Variants in CDK19 observed in about 807,000 individuals in gnomAD.
The protein encoded by CDK19 is cyclin-dependent kinase 19.
CDK19 carries 20 observed loss-of-function variants against 68.3 expected under a neutral mutation model. The ratio of observed to expected loss-of-function variants is 0.29; its 90% CI spans 0.21 to 0.43. The LOEUF is 0.43. Ranked by LOEUF, CDK19 falls within the 20% of genes least tolerant of loss-of-function variation. CDK19 has a pLI of 1.00. For synonymous variants in CDK19, 221 were observed against 222.8 expected (o/e 0.99, Z 0.07); for missense variants, 339 against 623.5 (o/e 0.54, Z 4.86).
chr6:110,712,369 C>T (rs374404564), intron 2 of CDK19, among the ~76,000 whole-genome samples: 2 of 152,184 alleles, frequency 1.3e-5, no homozygotes, highest in South Asian at 2.1e-4. Flanking sequence ...GGGAAAGAAA[C>T]ACCACCCTCA....
intron 2 of CDK19, among the ~76,000 whole-genome samples, chr6:110,731,096 G>GA (rs1554213874): frequency 1.6e-4 from 20 of 128,540 alleles, no homozygotes; most frequent in African/African-American, 4.8e-4. Flanking sequence ...AAGGAAGGAA[G>GA]AAAGAAAAGA....
chr6:110,791,287 G>T (rs947911195), intron 1 of CDK19, among the ~76,000 whole-genome samples: 6 of 151,922 alleles, frequency 3.9e-5, no homozygotes, highest in Non-Finnish European at 8.8e-5. Context: ...TAAAAGAAAA[G>T]AAAAATGTAG....
intron 1 of CDK19, among the ~76,000 whole-genome samples, chr6:110,808,045 T>A (rs1196802296): frequency 1.3e-5 from 2 of 152,230 alleles, no homozygotes; most frequent in African/African-American, 4.8e-5. Flanking sequence ...ATATTTCTCC[T>A]GTAACTTGAA....
At chr6:110,634,273 G>A (rs1017904296) in intron 5 of CDK19, among the ~76,000 whole-genome samples, 4 of 152,294 alleles carry the variant, frequency 2.6e-5, no homozygotes, top group Middle Eastern at 3.4e-3. Context: ...CTGGAGTGCT[G>A]TGGTGCCACC....
intron 1 of CDK19, among the ~76,000 whole-genome samples, chr6:110,805,350 A>G (rs993076313): frequency 3.3e-5 from 5 of 152,210 alleles, no homozygotes; most frequent in Admixed American, 1.3e-4. Flanking sequence ...TTGATCTTTA[A>G]AAAAACACAT....
rs115580491 is a variant in CDK19, at chr6:110,746,022, G to A, written c.204+104C>T. ...ATAAAATATTCTTAAACTAACATAT[G>A]TAAAATAAACATTCATTATATATAT... On this transcript the variant is annotated intron_variant, in intron 2 of 12. Transcript: ENST00000368911. 1,359 of 513,494 alleles carry A rather than the reference G, an allele frequency of 2.6e-3. 28 individuals carry two copies. The highest frequency in any genetic ancestry group is 0.025 in the African/African-American group (1,258 of 49,720). The allele number at this position is 513,494 out of a possible 1,614,324, so 31.8% of individuals were successfully genotyped here.
intron 1 of CDK19, among the ~76,000 whole-genome samples, chr6:110,808,247 G>C (rs1159312295): frequency 6.6e-6 from 1 of 152,188 alleles, no homozygotes; most frequent in Non-Finnish European, 1.5e-5. Context: ...CGATACCTAT[G>C]TGTGGCGTGT....
intron 4 of CDK19, among the ~76,000 whole-genome samples, chr6:110,650,912 C>T (rs1780920154): frequency 6.6e-6 from 1 of 152,116 alleles, no homozygotes; most frequent in African/African-American, 2.4e-5. Flanking sequence ...TGTGCTTTGG[C>T]AGTTGGGGAG....
intron 9 of CDK19, 116 bp from the exon 10 acceptor site, chr6:110,623,028 C>G (rs1272420503): frequency 2.6e-6 from 2 of 759,272 alleles, no homozygotes; most frequent in African/African-American, 3.4e-5. Context: ...GTGTAGCTCA[C>G]TGCAGATTAT....
chr6:110,789,041 T>C (rs1037357594), intron 1 of CDK19, among the ~76,000 whole-genome samples: 38 of 152,312 alleles, frequency 2.5e-4, no homozygotes, highest in African/African-American at 7.9e-4. Flanking sequence ...AAATTGCTTA[T>C]GTGGAGATGA....
At position 110,646,081 on chromosome 6, in the gene CDK19, A is replaced by G. The variant is rs950256198; in HGVS notation, c.457-7375T>C. On this transcript the variant is annotated intron_variant, in intron 4 of 12. Coordinates refer to ENST00000368911, the MANE Select transcript of CDK19 (RefSeq NM_015076.5). ...TTGCCAGGCATGGGCGACCTGCTGC[A>G]GTTTGTGGCTAAGCAAGGCACCTCC... is the stretch of plus-strand genomic sequence containing the variant. The G allele has an allele frequency of 2.3e-5, 20 of 859,026 alleles. No homozygotes were observed. The African/African-American group carries it at 3.3e-4, about 14-fold the overall frequency. 53.2% of individuals were successfully genotyped at this position (859,026 alleles called of 1,614,324 possible).
At chr6:110,640,242 A>G (rs1359059138) in intron 4 of CDK19, among the ~76,000 whole-genome samples, 1 of 151,682 alleles carries the variant, frequency 6.6e-6, no homozygotes, top group African/African-American at 2.4e-5. Flanking sequence ...AAAAAAAAAA[A>G]AAAAAAAAAA....
At chr6:110,815,532 G>A (rs1783573795), upstream of CDK19, 2 of 161,250 alleles carry the variant, frequency 1.2e-5, no homozygotes, top group African/African-American at 2.4e-5. Flanking sequence ...AGCGGCCTGG[G>A]CGGTTTTGCC....
At chr6:110,728,313 A>C (rs955710655) in intron 2 of CDK19, among the ~76,000 whole-genome samples, 5 of 151,574 alleles carry the variant, frequency 3.3e-5, no homozygotes, top group Non-Finnish European at 7.4e-5. Flanking sequence ...AGAGAGAGAG[A>C]GAAAGAGCAC....
rs572757421 is a variant in CDK19 at position 110,664,021 on chromosome 6, T to C, written c.456+3413A>G. ...GTGGCTTTTCTAGTGGGGGAAAAAA[T>C]CATTCTGTTGCTCACAAACTGTCAG... On this transcript the variant is annotated intron_variant, in intron 4 of 12. Coordinates refer to ENST00000368911, the MANE Select transcript of CDK19 (RefSeq NM_015076.5). 2.6e-5 allele frequency among the ~76,000 whole-genome samples: 4 copies of C among 152,060 alleles called. No individual in the cohort carries two copies. In the East Asian group the frequency reaches 5.8e-4, roughly 22 times the overall value.
intron 2 of CDK19, among the ~76,000 whole-genome samples, chr6:110,703,182 A>G (rs1774152908): frequency 6.6e-6 from 1 of 152,134 alleles, no homozygotes; most frequent in African/African-American, 2.4e-5. Context: ...AATAACCTGA[A>G]CTGGACTAAA....
In CDK19 at chr6:110,706,404, G is replaced by GTTTTTTTTTTTTTT. The variant is rs774904075; in HGVS notation, c.205-35864_205-35863insAAAAAAAAAAAAAA. 5 of 71,064 alleles carry GTTTTTTTTTTTTTT rather than the reference G, an allele frequency of 7.0e-5. 2 individuals are homozygous for GTTTTTTTTTTTTTT. The highest frequency in any genetic ancestry group is 1.3e-4 in the Non-Finnish European group (5 of 38,606). 4.4% of individuals were successfully genotyped at this position (71,064 alleles called of 1,614,324 possible). A position where few individuals can be genotyped will look rare whatever the true frequency, so the allele number is the denominator to read the frequency against. On this transcript the variant is annotated intron_variant, in intron 2 of 12. Transcript: ENST00000368911. ...CAACAGCATGCTGGGTAACACTGTT[G>GTTTTTTTTTTTTTT]TTTTTTTTTTGTTTGTTTTTTTTTT...
At chr6:110,791,834 T>G (rs1191580091) in intron 1 of CDK19, among the ~76,000 whole-genome samples, 1 of 152,000 alleles carries the variant, frequency 6.6e-6, no homozygotes, top group African/African-American at 2.4e-5. Context: ...TTTTTAGAGA[T>G]AGGGTCTCGC....
chr6:110,811,919 C>T (rs1322489124), intron 1 of CDK19, among the ~76,000 whole-genome samples: 1 of 150,510 alleles, frequency 6.6e-6, no homozygotes, highest in Non-Finnish European at 1.5e-5. Flanking sequence ...AGTTGGAGGT[C>T]CAGCATGATG....
Sources: gnomAD v4.1 joint callset for allele counts (sites outside exome capture counted in the v4.1 genomes callset) on GRCh38, gnomAD v4.1.1 for gene constraint, MANE v1.5 for transcripts, NCBI Gene and HGNC (gene_info 2026-07-23, HGNC 2026-07-21) for gene names.